PRKAB2: variants seen among roughly 807,000 people sequenced by gnomAD.
PRKAB2 encodes the protein protein kinase AMP-activated non-catalytic subunit beta 2, also known as 5'-AMP-activated protein kinase subunit beta-2.
Under a neutral mutation model 29.8 loss-of-function variants are expected in PRKAB2, and 18 were observed. The observed-to-expected ratio is 0.60, with a 90% confidence interval of 0.42 to 0.89. PRKAB2 has a LOEUF of 0.89. PRKAB2 is among the 40% of genes least tolerant of loss of function. PRKAB2 has a pLI of 0.00. For synonymous variants in PRKAB2, 136 were observed against 125.9 expected (o/e 1.08, Z -0.54); for missense variants, 270 against 344.3 (o/e 0.78, Z 1.71).
intron 3 of PRKAB2, 79 bp from the exon 4 acceptor site, chr1:147,167,018 T>C (rs1256879730): frequency 8.5e-7 from 1 of 1,170,346 alleles, no homozygotes; most frequent in Non-Finnish European, 1.3e-6. Context: ...GCAATCATAG[T>C]ATCATATGAA....
At chr1:147,170,323 A>G (rs2101631914) in intron 2 of PRKAB2, among the ~76,000 whole-genome samples, 1 of 152,338 alleles carries the variant, frequency 6.6e-6, no homozygotes, top group Non-Finnish European at 1.5e-5. Context: ...ATAGGCCCCA[A>G]TTCAGACAGA....
chr1:147,155,515 T>C lies in PRKAB2; in HGVS notation c.*4050A>G, dbSNP rs1653629115. ...AACCAACAACAGTGAGCTTTGGCTGTCCTAAAACCACAAGCTGGGTTAGGT... is the reference window on the plus strand; with the variant it reads ...AACCAACAACAGTGAGCTTTGGCTGCCCTAAAACCACAAGCTGGGTTAGGT... On this transcript the variant is annotated 3_prime_UTR_variant, in exon 8 of 8. Transcript: ENST00000254101. The C allele has an allele frequency of 6.6e-6, 1 of 152,558 alleles. No individual in the cohort carries two copies. Among genetic ancestry groups the C allele is most frequent in the African/African-American group, 2.4e-5 (1 of 41,436 alleles). 9.5% of individuals were successfully genotyped at this position (152,558 alleles called of 1,614,324 possible).
intron 5 of PRKAB2, among the ~76,000 whole-genome samples, chr1:147,165,720 T>C (rs1553913589): frequency 6.6e-6 from 1 of 151,998 alleles, no homozygotes; most frequent in African/African-American, 2.4e-5. Context: ...TATTTTCCGC[T>C]ACCATAGACT....
At chr1:147,164,520 T>C (rs1283990477) in intron 5 of PRKAB2, among the ~76,000 whole-genome samples, 1 of 152,236 alleles carries the variant, frequency 6.6e-6, no homozygotes, top group Non-Finnish European at 1.5e-5. Flanking sequence ...AATACTCTGA[T>C]ATTAAATAAT....
intron 6 of PRKAB2, 24 bp downstream of exon 6, chr1:147,162,416 C>G (rs1654015948): frequency 6.2e-7 from 1 of 1,600,944 alleles, no homozygotes; most frequent in Admixed American, 1.7e-5. Flanking sequence ...CCCCAGATGC[C>G]CCAGTAATAC....
intron 7 of PRKAB2, 92 bp from the exon 8 acceptor site, chr1:147,159,734 T>C (rs1232908720): frequency 1.8e-6 from 2 of 1,111,444 alleles, no homozygotes; most frequent in Non-Finnish European, 2.7e-6. Flanking sequence ...CACTCACTTT[T>C]AACAGAGATA....
In PRKAB2 at chr1:147,172,083, G is replaced by A; in HGVS notation, c.62C>T (p.Ser21Phe). 1.3e-6 allele frequency: 2 copies of A among 1,568,250 alleles called. No homozygotes were observed. Among genetic ancestry groups the A allele is most frequent in the Non-Finnish European group, 1.7e-6 (2 of 1,157,428 alleles). The change falls in exon 2 of 8, where the codon TCC (serine) becomes TTC (phenylalanine). Residue 21 changes from serine (S) to phenylalanine (F), a missense_variant. By Grantham distance (155) the Ser-to-Phe change is radical. Coordinates refer to ENST00000254101, the MANE Select transcript of PRKAB2 (RefSeq NM_005399.5). ...GERHGAKAAR[S>F]EGAGGHAPGK... ...CGGGGCATGGCCGCCTGCGCCCTCGGAGCGTGCAGCCTTGGCGCCGTGGCG... is the reference window on the plus strand; with the variant it reads ...CGGGGCATGGCCGCCTGCGCCCTCGAAGCGTGCAGCCTTGGCGCCGTGGCG...
At position 147,166,587 on chromosome 1, in the gene PRKAB2, T is replaced by C. The variant is rs1654263111; in HGVS notation, c.449A>G (p.Asn150Ser). The C allele has an allele frequency of 6.2e-7, 1 of 1,614,142 alleles. No homozygotes were observed. The change falls in exon 5 of 8, where the codon AAC becomes AGC. Residue 150 changes from asparagine to serine, a missense_variant. Transcript: ENST00000254101. ...AGATTTCTTGACATGGATCAAATTGTTAATTGTGCCAAGCTGACTGGTAAC... is the reference window on the plus strand; with the variant it reads ...AGATTTCTTGACATGGATCAAATTGCTAATTGTGCCAAGCTGACTGGTAAC... ...PVVTSQLGTI[N>S]NLIHVKKSDF... is the part of the protein sequence containing the mutation.
intron 5 of PRKAB2, 66 bp downstream of exon 5, chr1:147,166,432 T>C (rs1349041500): frequency 1.3e-6 from 2 of 1,522,986 alleles, no homozygotes; most frequent in East Asian, 2.3e-5. Context: ...TATACACACA[T>C]AAACAACTTT....
At chr1:147,166,753 T>G in intron 4 of PRKAB2, 93 bp downstream of exon 4, 1 of 1,547,748 alleles carries the variant, frequency 6.5e-7, no homozygotes, top group Non-Finnish European at 8.9e-7. Flanking sequence ...AATCCTCCAG[T>G]GTAGGGGAGC....
chr1:147,165,457 C>G (rs1490002859), intron 5 of PRKAB2, among the ~76,000 whole-genome samples: 2 of 152,164 alleles, frequency 1.3e-5, no homozygotes, highest in Admixed American at 6.5e-5. Context: ...TGAAGAAACT[C>G]AGAACGAAAA....
At chr1:147,166,759 G>A in intron 4 of PRKAB2, 87 bp downstream of exon 4, 1 of 1,544,648 alleles carries the variant, frequency 6.5e-7, no homozygotes, top group Non-Finnish European at 8.9e-7. Context: ...CCAGTGTAGG[G>A]GAGCAGCTGC....
intron 2 of PRKAB2, among the ~76,000 whole-genome samples, chr1:147,171,360 G>C (rs1399740351): frequency 6.6e-6 from 1 of 152,148 alleles, no homozygotes; most frequent in African/African-American, 2.4e-5. Flanking sequence ...AAGAGGCACA[G>C]CCTCAGCCAC....
chr1:147,168,680 G>T (rs6658465), intron 2 of PRKAB2, among the ~76,000 whole-genome samples: 7,788 of 152,274 alleles, frequency 0.051, 346 homozygotes, highest in African/African-American at 0.11. Context: ...TGTAAAAACA[G>T]TAACTCCTGT....
At chr1:147,161,680 G>C in intron 7 of PRKAB2, 32 bp downstream of exon 7, 1 of 1,557,502 alleles carries the variant, frequency 6.4e-7, no homozygotes, top group Non-Finnish European at 8.9e-7. Context: ...TCATTCCAGG[G>C]AGCTCTGTGA....
chr1:147,165,757 A>C (rs1228832705), intron 5 of PRKAB2, among the ~76,000 whole-genome samples: 1 of 152,110 alleles, frequency 6.6e-6, no homozygotes, highest in Non-Finnish European at 1.5e-5. Flanking sequence ...AAAATTTACA[A>C]AATTTCAATT....
chr1:147,159,405 T>G lies in PRKAB2; in HGVS notation c.*160A>C, dbSNP rs1032444082. On this transcript the variant is annotated 3_prime_UTR_variant, in exon 8 of 8. Coordinates refer to ENST00000254101, the MANE Select transcript of PRKAB2 (RefSeq NM_005399.5). ...TCCGTGAACTCATAAAGCTCTCATC[T>G]GCAATCAAATGCAAAAGCAGAGCAT... 1 of 584,042 alleles carries G rather than the reference T, an allele frequency of 1.7e-6. No homozygotes were observed. Among genetic ancestry groups the G allele is most frequent in the Admixed American group, 3.1e-5 (1 of 31,792 alleles). The allele number at this position is 584,042 out of a possible 1,614,324, so 36.2% of individuals were successfully genotyped here.
At chr1:147,171,687 G>T (rs1239817259) in intron 2 of PRKAB2, among the ~76,000 whole-genome samples, 2 of 152,152 alleles carry the variant, frequency 1.3e-5, no homozygotes, top group South Asian at 2.1e-4. Context: ...GCAACGCTAT[G>T]GAAGAGAGCC....
chr1:147,158,354 A>C lies in PRKAB2; in HGVS notation c.*1211T>G, dbSNP rs1653775996. ...CTTCTTGGCCTAACAAATCTTTAAA[A>C]TGAGGAACCCCTTTAGGTGCATCAA... On this transcript the variant is annotated 3_prime_UTR_variant, in exon 8 of 8. Transcript: ENST00000254101. The C allele has an allele frequency of 6.6e-6, 1 of 152,184 alleles. No individual in the cohort carries two copies. The highest frequency in any genetic ancestry group is 2.4e-5 in the African/African-American group (1 of 41,446). 9.4% of individuals were successfully genotyped at this position (152,184 alleles called of 1,614,324 possible).
Sources: allele counts gnomAD v4.1 joint callset (sites outside exome capture counted in the v4.1 genomes callset), GRCh38; gene constraint gnomAD v4.1.1; transcripts MANE v1.5; gene names NCBI Gene and HGNC (gene_info 2026-07-23, HGNC 2026-07-21).